Variants in ANXA8 observed in about 807,000 individuals in gnomAD.
ANXA8 encodes VAC-beta.
In ANXA8, 9 loss-of-function variants were observed where a neutral mutation model predicts 26.8. The ratio of observed to expected loss-of-function variants is 0.34; its 90% CI spans 0.20 to 0.59. The LOEUF (loss-of-function observed/expected upper bound fraction) is 0.59, where lower values mean the gene tolerates loss of function less well. ANXA8 is among the 20% of genes least tolerant of loss of function. The pLI is 0.84. For synonymous variants in ANXA8, 39 were observed against 94.8 expected (o/e 0.41, Z 3.42); for missense variants, 83 against 238.5 (o/e 0.35, Z 4.29).
chr10:47,592,489 C>A, the ANXA8 span, among the ~76,000 whole-genome samples: 1 of 149,280 alleles, frequency 6.7e-6, no homozygotes, highest in Non-Finnish European at 1.5e-5. Context: ...CCACATGCCC[C>A]CTTGCCTGTC....
At chr10:47,676,924 CA>C in the ANXA8 span, among the ~76,000 whole-genome samples, 1 of 137,424 alleles carries the variant, frequency 7.3e-6, no homozygotes, top group African/African-American at 2.9e-5. Context: ...GTCTCAAAAA[CA>C]AAGAAAGAAA....
the ANXA8 span, among the ~76,000 whole-genome samples, chr10:47,954,996 T>C: frequency 1.3e-5 from 2 of 148,804 alleles, no homozygotes; most frequent in Admixed American, 1.3e-4. Flanking sequence ...GTGGTATAGT[T>C]TGGCTGTGTC....
the ANXA8 span, among the ~76,000 whole-genome samples, chr10:47,627,298 A>G: frequency 1.3e-5 from 2 of 150,160 alleles, no homozygotes; most frequent in Non-Finnish European, 2.9e-5. Context: ...TTCAATTTCT[A>G]GGGGAATGGC....
the ANXA8 span, among the ~76,000 whole-genome samples, chr10:47,650,899 A>T: frequency 6.7e-6 from 1 of 150,260 alleles, no homozygotes; most frequent in Non-Finnish European, 1.5e-5. Flanking sequence ...ACACATGAAA[A>T]GGTGTTGAAA....
chr10:47,514,042 A>G, the ANXA8 span, among the ~76,000 whole-genome samples: 1 of 141,764 alleles, frequency 7.1e-6, no homozygotes, highest in Non-Finnish European at 1.5e-5. Context: ...AGACTTAACT[A>G]AAGAGCTTCT....
At chr10:47,568,023 T>G in the ANXA8 span, 3 of 741,152 alleles carry the variant, frequency 4.0e-6, no homozygotes, top group Admixed American at 5.6e-5. Context: ...GTATGAAAGT[T>G]TTTGTTTTTG....
chr10:47,606,034 A>G, the ANXA8 span, among the ~76,000 whole-genome samples: 2 of 149,938 alleles, frequency 1.3e-5, no homozygotes, highest in Admixed American at 6.6e-5. Context: ...AAGAACTCTC[A>G]GTTATAACCA....
At chr10:47,737,814 CG>C in the ANXA8 span, among the ~76,000 whole-genome samples, 1 of 133,508 alleles carries the variant, frequency 7.5e-6, no homozygotes, top group Non-Finnish European at 1.6e-5. Context: ...AGCTAACAGT[CG>C]CTCCTCCATA....
At chr10:47,970,842 G>A in the ANXA8 span, among the ~76,000 whole-genome samples, 1 of 151,308 alleles carries the variant, frequency 6.6e-6, no homozygotes, top group African/African-American at 2.4e-5. Context: ...GGCGAAGGCT[G>A]GGTTTGCTGA....
chr10:47,474,935 G>A lies in ANXA8; in HGVS notation c.552+10C>T, dbSNP rs1420264788. On this transcript the variant is annotated intron_variant, in intron 7 of 11. Coordinates refer to ENST00000585281, the MANE Select transcript of ANXA8 (RefSeq NM_001040084.3). Reference sequence around the variant, plus strand: ...GGTGGGGCCACATGGCCGGCTGGGCGCAGCCTCACCTGTGCGTCTTGGAGG... The same window carrying A: ...GGTGGGGCCACATGGCCGGCTGGGCACAGCCTCACCTGTGCGTCTTGGAGG... 5.4e-5 allele frequency: 83 copies of A among 1,533,192 alleles called. 5 individuals carry two copies. The African/African-American group carries it at 7.8e-4, about 14-fold the overall frequency. 95.0% of individuals were successfully genotyped at this position (1,533,192 alleles called of 1,614,324 possible).
chr10:47,581,041 A>T, the ANXA8 span, among the ~76,000 whole-genome samples: 6 of 150,484 alleles, frequency 4.0e-5, no homozygotes, highest in East Asian at 9.7e-4. Context: ...ACGCCGCTGC[A>T]CTCAACCTTG....
chr10:47,691,652 A>G, the ANXA8 span, among the ~76,000 whole-genome samples: 6 of 150,814 alleles, frequency 4.0e-5, no homozygotes, highest in South Asian at 1.2e-3. Flanking sequence ...CCAGCTACCC[A>G]GGAGGCTGAC....
the ANXA8 span, among the ~76,000 whole-genome samples, chr10:47,952,401 C>T: frequency 2.1e-4 from 31 of 150,214 alleles, no homozygotes; most frequent in Admixed American, 1.5e-3. Context: ...CTAAAATAAG[C>T]GAATTTAGCA....
chr10:47,626,926 G>C, the ANXA8 span, among the ~76,000 whole-genome samples: 1 of 149,644 alleles, frequency 6.7e-6, no homozygotes, highest in Non-Finnish European at 1.5e-5. Flanking sequence ...TTGGAAGGGG[G>C]TATGTTTTAG....
chr10:47,695,291 G>C, the ANXA8 span, among the ~76,000 whole-genome samples: 1 of 151,464 alleles, frequency 6.6e-6, no homozygotes. Flanking sequence ...ATGGGTTGCA[G>C]GCGGGACAAG....
the ANXA8 span, among the ~76,000 whole-genome samples, chr10:47,709,596 A>G: frequency 1.4e-5 from 2 of 143,560 alleles, no homozygotes. Context: ...GAAAAATATT[A>G]CAATGTAGCA....
chr10:47,617,924 CCTGAT>C, the ANXA8 span, among the ~76,000 whole-genome samples: 3 of 133,640 alleles, frequency 2.2e-5, no homozygotes, highest in Non-Finnish European at 4.9e-5. Context: ...CACCATAAAA[CCTGAT>C]CTATTTTTAA....
the ANXA8 span, among the ~76,000 whole-genome samples, chr10:47,624,242 CAAA>C: frequency 4.1e-4 from 12 of 29,218 alleles, no homozygotes; most frequent in African/African-American, 1.6e-3. Context: ...GACTCCATCT[CAAA>C]AAAAAAAAAA....
chr10:47,949,619 A>G, the ANXA8 span, among the ~76,000 whole-genome samples: 47 of 150,872 alleles, frequency 3.1e-4, 3 homozygotes, highest in East Asian at 9.5e-3. Context: ...TGATAGCATG[A>G]TGGACAGAAT....
Sources: gnomAD v4.1 joint callset for allele counts (sites outside exome capture counted in the v4.1 genomes callset) on GRCh38, gnomAD v4.1.1 for gene constraint, MANE v1.5 for transcripts, NCBI Gene and HGNC (gene_info 2026-07-23, HGNC 2026-07-21) for gene names.